Variants in TMEM255B observed in about 807,000 individuals in gnomAD.
The protein encoded by TMEM255B is transmembrane protein 255B, also known as family with sequence similarity 70, member B.
A neutral mutation model predicts 34.5 loss-of-function variants in TMEM255B; 35 were observed. That is an observed-to-expected ratio of 1.01 (90% CI 0.77 to 1.34). The LOEUF (loss-of-function observed/expected upper bound fraction) is 1.34, where lower values mean the gene tolerates loss of function less well. TMEM255B is among the 40% of genes most tolerant of loss of function. TMEM255B has a pLI of 0.00. For synonymous variants in TMEM255B, 206 were observed against 201.2 expected (o/e 1.02, Z -0.20); for missense variants, 432 against 433.2 (o/e 1.00, Z 0.02).
chr13:113,766,667 G>T (rs973985853), intron 2 of TMEM255B, among the ~76,000 whole-genome samples: 9 of 152,208 alleles, frequency 5.9e-5, no homozygotes, highest in African/African-American at 1.9e-4. Flanking sequence ...ATCCTGGAAG[G>T]ATTTTACCCT....
rs2050451387 is a variant in TMEM255B at position 113,769,963 on chromosome 13, A to T, written c.252+803A>T. Reference sequence around the variant, plus strand: ...TACTGTATCATCCAGCGTGCAAATGACCTGTGTCGGGCCCCCAACCCCTGC... The same window carrying T: ...TACTGTATCATCCAGCGTGCAAATGTCCTGTGTCGGGCCCCCAACCCCTGC... On this transcript the variant is annotated intron_variant, in intron 3 of 8. Transcript: ENST00000375353. The surrounding 1 kb of genome is among the most constrained non-coding windows in gnomAD (Gnocchi z 4.2). 1 of 151,916 alleles carries T rather than the reference A, an allele frequency of 6.6e-6. No individual in the cohort carries two copies. Among genetic ancestry groups the T allele is most frequent in the Non-Finnish European group, 1.5e-5 (1 of 68,082 alleles). 9.4% of individuals were successfully genotyped at this position (151,916 alleles called of 1,614,324 possible). A position where few individuals can be genotyped will look rare whatever the true frequency, so the allele number is the denominator to read the frequency against.
chr13:113,800,578 G>A (rs2051035290), intron 5 of TMEM255B, among the ~76,000 whole-genome samples: 1 of 152,142 alleles, frequency 6.6e-6, no homozygotes. Flanking sequence ...GAGAAGCAAG[G>A]CCTCTCCTCT....
At chr13:113,759,529 T>G (rs914093702) in intron 1 of TMEM255B, among the ~76,000 whole-genome samples, 5 of 149,004 alleles carry the variant, frequency 3.4e-5, no homozygotes, top group African/African-American at 1.3e-4. Context: ...TCATTCATTC[T>G]CTCTCCCTGT....
chr13:113,775,494 G>C (rs191691084), intron 3 of TMEM255B, among the ~76,000 whole-genome samples: 156 of 152,384 alleles, frequency 1.0e-3, no homozygotes, highest in African/African-American at 3.4e-3. Context: ...AGTGTTGGGC[G>C]GCTCTGCGGG....
At chr13:113,776,465 G>A (rs1307291553) in intron 3 of TMEM255B, among the ~76,000 whole-genome samples, 5 of 152,164 alleles carry the variant, frequency 3.3e-5, no homozygotes, top group Non-Finnish European at 2.9e-5. Context: ...CGACAGCTAC[G>A]TCCAGCCCAG....
At chr13:113,790,928 G>A (rs575528049) in intron 3 of TMEM255B, among the ~76,000 whole-genome samples, 18 of 152,362 alleles carry the variant, frequency 1.2e-4, no homozygotes, top group East Asian at 5.8e-4. Context: ...CTGAAAGAGC[G>A]GGAGGAAGGA....
intron 7 of TMEM255B, among the ~76,000 whole-genome samples, chr13:113,804,453 C>G (rs7337771): frequency 1.4e-3 from 209 of 152,116 alleles, no homozygotes; most frequent in Admixed American, 3.9e-3. Context: ...TTTCTCCCCC[C>G]CCAAAAAATC....
At chr13:113,774,788 A>C (rs1213043097) in intron 3 of TMEM255B, among the ~76,000 whole-genome samples, 3 of 141,960 alleles carry the variant, frequency 2.1e-5, no homozygotes, top group Non-Finnish European at 4.6e-5. Context: ...AATACACAAT[A>C]CACGCTCCAC....
In TMEM255B at chr13:113,767,491, G is replaced by GT. The variant is rs796351794; in HGVS notation, c.189+1242dup. The stretch of plus-strand genomic sequence containing the variant: ...ACATCAAGATCAGCCTTGAGTGGTT[G>GT]TTTTTTTTGGTTTGTCCTCAAGCTT... On this transcript the variant is annotated intron_variant, in intron 2 of 8. Transcript: ENST00000375353. Among the ~76,000 whole-genome samples, 502 of 152,094 alleles carry GT rather than the reference G, an allele frequency of 3.3e-3. 2 individuals are homozygous for GT. Among genetic ancestry groups the GT allele is most frequent in the African/African-American group, 0.012 (479 of 41,478 alleles).
intron 3 of TMEM255B, among the ~76,000 whole-genome samples, chr13:113,785,610 A>G (rs2050728938): frequency 6.6e-6 from 1 of 152,254 alleles, no homozygotes. Flanking sequence ...GTCAGCAGAA[A>G]TTTAGAAATT....
chr13:113,768,849 C>T (rs1322829404), intron 2 of TMEM255B: 6 of 588,064 alleles, frequency 1.0e-5, no homozygotes, highest in South Asian at 1.5e-5. Flanking sequence ...CCCAGAGTCA[C>T]AAGCCAAACA....
At chr13:113,808,792 TG>T (rs71105211) in intron 8 of TMEM255B, among the ~76,000 whole-genome samples, 26 of 38,466 alleles carry the variant, frequency 6.8e-4, no homozygotes, top group East Asian at 1.4e-3. Context: ...CTGTGGTTCC[TG>T]GGGGGGGGGT....
intron 5 of TMEM255B, 23 bp from the exon 6 acceptor site, chr13:113,800,804 C>G (rs1327475617): frequency 6.3e-7 from 1 of 1,591,454 alleles, no homozygotes; most frequent in Non-Finnish European, 8.6e-7. Context: ...GGCATGTGAC[C>G]TGACAAGGCC....
chr13:113,809,468 C>T (rs1168671456), intron 8 of TMEM255B, among the ~76,000 whole-genome samples: 8 of 93,690 alleles, frequency 8.5e-5, no homozygotes, highest in African/African-American at 3.7e-4. Flanking sequence ...TCTGTGGTTC[C>T]TGGGGGTTTA....
At chr13:113,775,273 C>T (rs967467174) in intron 3 of TMEM255B, among the ~76,000 whole-genome samples, 4 of 152,188 alleles carry the variant, frequency 2.6e-5, no homozygotes, top group Admixed American at 6.5e-5. Context: ...GGACTGAGCC[C>T]GTTTTCTCCA....
At position 113,781,370 on chromosome 13, in the gene TMEM255B, TAAAAC is replaced by T. The variant is rs367614978; in HGVS notation, c.252+12213_252+12217del. On this transcript the variant is annotated intron_variant, in intron 3 of 8. Transcript: ENST00000375353. ...ACCTTCATTTTTATTTTATCCAACT[TAAAAC>T]AACCCTTTAACCTTTTAATCTAGGC... 2.4e-4 allele frequency among the ~76,000 whole-genome samples: 36 copies of T among 152,364 alleles called. No homozygotes were observed. The East Asian group carries it at 6.5e-3, about 28-fold the overall frequency.
At chr13:113,775,451 G>C (rs1351617846) in intron 3 of TMEM255B, among the ~76,000 whole-genome samples, 1 of 152,264 alleles carries the variant, frequency 6.6e-6, no homozygotes, top group Admixed American at 6.5e-5. Flanking sequence ...GGGTGGGGCT[G>C]GTGGAGAGTG....
At position 113,769,022 on chromosome 13, in the gene TMEM255B, A is replaced by G. The variant is rs2050436067; in HGVS notation, c.190-76A>G. ...ATAAAATGCCTTTGAGGGCGGGATT[A>G]TTTGCTTTAAATGTCAGTGTTAAGC... On this transcript the variant is annotated intron_variant, in intron 2 of 8. Coordinates refer to ENST00000375353, the MANE Select transcript of TMEM255B (RefSeq NM_182614.4). This position sits in a 1 kb window ranked among gnomAD's most constrained non-coding sequence, Gnocchi z 4.2. The G allele has an allele frequency of 3.9e-6, 6 of 1,542,938 alleles. No homozygotes were observed. Among genetic ancestry groups the G allele is most frequent in the East Asian group, 4.5e-5 (2 of 44,432 alleles).
chr13:113,772,509 G>A (rs1566723125), intron 3 of TMEM255B, among the ~76,000 whole-genome samples: 2 of 152,092 alleles, frequency 1.3e-5, no homozygotes, highest in Non-Finnish European at 2.9e-5. Flanking sequence ...GTTAACTTTT[G>A]CGTATGGTAT....
Sources: gnomAD v4.1 joint callset for allele counts (sites outside exome capture counted in the v4.1 genomes callset) on GRCh38, gnomAD v4.1.1 for gene constraint, Gnocchi (gnomAD v3.1) non-coding constraint, MANE v1.5 for transcripts, NCBI Gene and HGNC (gene_info 2026-07-23, HGNC 2026-07-21) for gene names.